MYO16: variants seen among roughly 807,000 people sequenced by gnomAD.
MYO16 encodes the protein myosin XVI.
MYO16 carries 94 observed loss-of-function variants against 205.3 expected under a neutral mutation model. The ratio of observed to expected loss-of-function variants is 0.46; its 90% CI spans 0.39 to 0.54. The LOEUF (loss-of-function observed/expected upper bound fraction) is 0.54. MYO16 is among the 20% of genes least tolerant of loss of function. The pLI is 0.00. For missense variants in MYO16, 2,315 were observed against 2,387.5 expected (o/e 0.97, Z 0.63); for synonymous variants, 988 against 954.0 (o/e 1.04, Z -0.66).
chr13:108,909,371 A>G (rs1881155329), intron 15 of MYO16, among the ~76,000 whole-genome samples: 1 of 152,206 alleles, frequency 6.6e-6, no homozygotes, highest in African/African-American at 2.4e-5. Flanking sequence ...ATAAAAGAAG[A>G]TGACTACACA....
intron 23 of MYO16, among the ~76,000 whole-genome samples, chr13:109,042,049 G>A (rs539460418): frequency 6.6e-6 from 1 of 152,120 alleles, no homozygotes; most frequent in South Asian, 2.1e-4. Flanking sequence ...ATTTTTAGTA[G>A]AGACAGGTTT....
intron 4 of MYO16, among the ~76,000 whole-genome samples, chr13:108,732,308 G>A (rs866545170): frequency 6.6e-6 from 1 of 152,140 alleles, no homozygotes; most frequent in African/African-American, 2.4e-5. Context: ...GCCTTTTAGA[G>A]CTTACATTCT....
intron 27 of MYO16, among the ~76,000 whole-genome samples, chr13:109,067,090 A>G (rs1467761): frequency 0.58 from 88,804 of 152,000 alleles, 25,975 homozygotes; most frequent in Admixed American, 0.61. Flanking sequence ...GTCTGCATGA[A>G]TGCAGCATCA....
intron 6 of MYO16, among the ~76,000 whole-genome samples, chr13:108,797,683 TTTAA>T (rs1320343908): frequency 7.2e-5 from 11 of 152,234 alleles, no homozygotes; most frequent in African/African-American, 1.2e-4. Context: ...GATTGAGTTA[TTTAA>T]TTAATTCATT....
intron 21 of MYO16, among the ~76,000 whole-genome samples, chr13:109,008,358 C>CTAT (rs1885469196): frequency 6.7e-6 from 1 of 149,758 alleles, no homozygotes; most frequent in Non-Finnish European, 1.5e-5. Context: ...GTATGCACTA[C>CTAT]TGTACTATCT....
At chr13:108,506,193 CA>C in the MYO16 span, among the ~76,000 whole-genome samples, 1 of 151,876 alleles carries the variant, frequency 6.6e-6, no homozygotes, top group Non-Finnish European at 1.5e-5. Context: ...CAATTTTTGC[CA>C]AAAAATGCCT....
intron 11 of MYO16, among the ~76,000 whole-genome samples, chr13:108,856,674 C>A (rs930465505): frequency 1.3e-5 from 2 of 152,012 alleles, no homozygotes; most frequent in Non-Finnish European, 1.5e-5. Context: ...CCTGGAAGAC[C>A]ATTGCCTAAT....
At chr13:108,603,409 A>G (rs948246453) in intron 1 of MYO16, among the ~76,000 whole-genome samples, 3 of 152,196 alleles carry the variant, frequency 2.0e-5, no homozygotes, top group African/African-American at 4.8e-5. Context: ...AAATTCATGG[A>G]CTTAATATGA....
intron 20 of MYO16, among the ~76,000 whole-genome samples, chr13:108,989,917 A>G (rs1327740974): frequency 1.3e-5 from 2 of 152,148 alleles, no homozygotes; most frequent in Non-Finnish European, 2.9e-5. Flanking sequence ...TATTTGTTTT[A>G]GAACTTTGCA....
intron 23 of MYO16, among the ~76,000 whole-genome samples, chr13:109,023,428 A>T (rs1159857977): frequency 1.1e-5 from 1 of 91,776 alleles, no homozygotes; most frequent in African/African-American, 4.7e-5. Flanking sequence ...ATAAATATAT[A>T]TTTATATATT....
chr13:109,192,091 C>G (rs929754699), intron 34 of MYO16, among the ~76,000 whole-genome samples: 2 of 152,108 alleles, frequency 1.3e-5, no homozygotes, highest in Admixed American at 1.3e-4. Context: ...TATTTTATGT[C>G]CTCAGCAGAC....
intron 12 of MYO16, among the ~76,000 whole-genome samples, chr13:108,876,852 G>T (rs1879349891): frequency 6.6e-6 from 1 of 152,020 alleles, no homozygotes; most frequent in South Asian, 2.1e-4. Context: ...AGTTTTAGTA[G>T]AGATGGGGTT....
At chr13:108,865,943 C>T (rs1878690537) in intron 11 of MYO16, among the ~76,000 whole-genome samples, 1 of 151,826 alleles carries the variant, frequency 6.6e-6, no homozygotes, top group African/African-American at 2.4e-5. Flanking sequence ...TTTCATTTCT[C>T]TTATGTTCAG....
At chr13:109,078,195 C>G (rs755422263) in intron 27 of MYO16, among the ~76,000 whole-genome samples, 1 of 150,332 alleles carries the variant, frequency 6.7e-6, no homozygotes, top group African/African-American at 2.5e-5. Flanking sequence ...TTTGGAAGGT[C>G]AGGGCAGGCA....
At chr13:108,533,301 G>A in the MYO16 span, among the ~76,000 whole-genome samples, 1 of 152,158 alleles carries the variant, frequency 6.6e-6, no homozygotes, top group Non-Finnish European at 1.5e-5. Context: ...TGTTGTGCAT[G>A]GTATGCCTCT....
chr13:108,546,195 G>T, the MYO16 span, among the ~76,000 whole-genome samples: 422 of 152,296 alleles, frequency 2.8e-3, 2 homozygotes, highest in African/African-American at 9.2e-3. Flanking sequence ...CAGCCTAGAA[G>T]TGGCCTTGGA....
intron 4 of MYO16, among the ~76,000 whole-genome samples, chr13:108,750,939 G>A (rs1170817935): frequency 6.6e-6 from 1 of 152,192 alleles, no homozygotes; most frequent in East Asian, 1.9e-4. Flanking sequence ...GGAGGCTAGA[G>A]TGACTCATGC....
upstream of MYO16, among the ~76,000 whole-genome samples, chr13:108,592,463 C>T (rs567232660): frequency 6.5e-5 from 4 of 61,814 alleles, no homozygotes; most frequent in East Asian, 1.2e-3. Context: ...TGTGGGGGTG[C>T]GGTGTATGGG....
At chr13:109,091,669 T>C (rs567180171) in intron 27 of MYO16, among the ~76,000 whole-genome samples, 2 of 152,306 alleles carry the variant, frequency 1.3e-5, no homozygotes, top group Admixed American at 1.3e-4. Context: ...TCCCATCCAG[T>C]CCTTTCTTTC....
Sources: gnomAD v4.1 joint callset for allele counts (sites outside exome capture counted in the v4.1 genomes callset) on GRCh38, gnomAD v4.1.1 for gene constraint, MANE v1.5 for transcripts, NCBI Gene and HGNC (gene_info 2026-07-23, HGNC 2026-07-21) for gene names.